The following C4orf50 variants were observed in gnomAD, a reference collection of about 807,000 sequenced individuals.
C4orf50 encodes the protein chromosome 4 open reading frame 50.
A neutral mutation model predicts 77.2 loss-of-function variants in C4orf50; 80 were observed. The ratio of observed to expected loss-of-function variants is 1.04; its 90% CI spans 0.87 to 1.25. The LOEUF (loss-of-function observed/expected upper bound fraction) is 1.25. Ranked by LOEUF, C4orf50 falls within the 50% of genes most tolerant of loss-of-function variation. The pLI, the probability that C4orf50 is intolerant of heterozygous loss-of-function variation, is 0.00. For synonymous variants in C4orf50, 532 were observed against 465.3 expected (o/e 1.14, Z -1.84); for missense variants, 1,257 against 1,152.9 (o/e 1.09, Z -1.31).
chr4:5,975,139 C>CAAAAAAAA (rs763836859), intron 30 of C4orf50, among the ~76,000 whole-genome samples: 42 of 82,826 alleles, frequency 5.1e-4, no homozygotes, highest in African/African-American at 7.3e-4. Context: ...CACTCCATCT[C>CAAAAAAAA]AAAAAAAAAA....
chr4:5,998,579 G>T (rs1346765140), intron 25 of C4orf50, among the ~76,000 whole-genome samples: 1 of 152,228 alleles, frequency 6.6e-6, no homozygotes, highest in Non-Finnish European at 1.5e-5. Flanking sequence ...AGCCCCTGAC[G>T]TGGGATCGTG....
chr4:6,015,901 C>T lies in C4orf50; in HGVS notation c.287+2244G>A, dbSNP rs1341297633. ...CTTGTGATTGGTCTTAGAGACCAGC[C>T]GGCGAATCTGGGTCCATATCCCCAT... is the stretch of plus-strand genomic sequence containing the variant. On this transcript the variant is annotated intron_variant, in intron 23 of 33. Coordinates refer to ENST00000531445, the Ensembl canonical transcript of C4orf50. The surrounding 1 kb of genome is among the most constrained non-coding windows in gnomAD (Gnocchi z 4.4). Among the ~76,000 whole-genome samples, 4 of 152,046 alleles carry T rather than the reference C, an allele frequency of 2.6e-5. No individual in the cohort carries two copies. Among genetic ancestry groups the T allele is most frequent in the African/African-American group, 7.2e-5 (3 of 41,412 alleles).
rs1721158391 is a variant in C4orf50, at chr4:5,989,927, G to A, written c.2119C>T (p.Gln707Ter). The A allele has an allele frequency of 7.0e-7, 1 of 1,426,274 alleles. No homozygotes were observed. The highest frequency in any genetic ancestry group is 9.1e-7 in the Non-Finnish European group (1 of 1,094,926). The allele number at this position is 1,426,274 out of a possible 1,614,324, so 88.4% of individuals were successfully genotyped here. Residue 707 changes from glutamine (Q) to a stop codon, truncating the protein, a stop_gained, in exon 28 of 34, where the codon CAA (glutamine) becomes TAA (stop). Coordinates refer to ENST00000531445, the Ensembl canonical transcript of C4orf50. LOFTEE classifies it high-confidence loss of function. ...AGCAGAGCATTTCCAAGCCACACTT[G>A]GTTTTCCTCCTTGCCCCTAGCTGTC...
At chr4:5,990,069 C>T in exon 28 of C4orf50, 3 of 1,341,530 alleles carry the variant, frequency 2.2e-6, no homozygotes, top group Non-Finnish European at 2.9e-6. Flanking sequence ...TCTCTGATGA[C>T]AGTCCTCCTC....
intron 7 of C4orf50, among the ~76,000 whole-genome samples, chr4:5,936,242 T>C (rs1422900209): frequency 2.7e-5 from 4 of 150,888 alleles, no homozygotes; most frequent in African/African-American, 9.7e-5. Flanking sequence ...ATTTATCTAA[T>C]GAAATTACCT....
At chr4:5,917,894 G>A (rs1431229043) in intron 7 of C4orf50, among the ~76,000 whole-genome samples, 1 of 152,016 alleles carries the variant, frequency 6.6e-6, no homozygotes, top group Non-Finnish European at 1.5e-5. Context: ...GGCCAAGCAG[G>A]GGCCCAGGCG....
At position 5,916,419 on chromosome 4, in the gene C4orf50, C is replaced by T. The variant is rs1039943355; in HGVS notation, c.*2475-18231G>A. Among the ~76,000 whole-genome samples the T allele has an allele frequency of 1.3e-5, 2 of 152,150 alleles. No individual in the cohort carries two copies. Among genetic ancestry groups the T allele is most frequent in the African/African-American group, 4.8e-5 (2 of 41,438 alleles). On this transcript the variant is annotated intron_variant, in intron 7 of 7. Coordinates refer to the C4orf50 transcript ENST00000324058. The surrounding 1 kb of genome is among the most constrained non-coding windows in gnomAD (Gnocchi z 4.4). ...AGAGAAGGCTGGGAGCCAGGACCTG[C>T]CCCCAGAGCTCAGACCCCAGGCACT...
In C4orf50 at chr4:6,015,950, A is replaced by G. The variant is rs1339349585; in HGVS notation, c.287+2195T>C. ...ATGTCACCATCCTTGACATGTCGAC[A>G]TAGTCCCAGCCTGCGTGAGTGTGCG... On this transcript the variant is annotated intron_variant, in intron 23 of 33. Coordinates refer to ENST00000531445, the Ensembl canonical transcript of C4orf50. This position sits in a 1 kb window ranked among gnomAD's most constrained non-coding sequence, Gnocchi z 4.4. Among the ~76,000 whole-genome samples the G allele has an allele frequency of 2.6e-5, 4 of 152,178 alleles. No homozygotes were observed. Among genetic ancestry groups the G allele is most frequent in the Admixed American group, 1.3e-4 (2 of 15,278 alleles).
intron 23 of C4orf50, among the ~76,000 whole-genome samples, chr4:6,016,959 C>T (rs1050675601): frequency 9.8e-5 from 15 of 152,302 alleles, no homozygotes; most frequent in South Asian, 6.2e-4. Context: ...AATCAATCCC[C>T]GCTGTCACTG....
chr4:6,004,189 T>G, intron 25 of C4orf50, among the ~76,000 whole-genome samples: 1 of 151,406 alleles, frequency 6.6e-6, no homozygotes, highest in African/African-American at 2.4e-5. Flanking sequence ...ATGGTGATGG[T>G]GATGATGGTG....
At chr4:5,914,036 A>G (rs1181203205) in intron 7 of C4orf50, among the ~76,000 whole-genome samples, 2 of 152,174 alleles carry the variant, frequency 1.3e-5, no homozygotes, top group African/African-American at 2.4e-5. Context: ...TGAGAAGTAA[A>G]GTTTATGAAG....
intron 28 of C4orf50, among the ~76,000 whole-genome samples, chr4:5,981,402 C>CTT (rs35263863): frequency 0.013 from 1,659 of 124,036 alleles, 40 homozygotes; most frequent in East Asian, 0.071. Context: ...AAGTGAGTAT[C>CTT]TTTTTTTTTT....
chr4:5,941,972 T>C (rs28563922), intron 7 of C4orf50, among the ~76,000 whole-genome samples: 2,051 of 152,312 alleles, frequency 0.013, 53 homozygotes, highest in African/African-American at 0.047. Flanking sequence ...GCGCCTCCAA[T>C]TATCAATGTT....
Position 6,008,236 on chromosome 4 carries a change from G to A in C4orf50, c.723C>T (p.Arg241=), listed in dbSNP as rs1722331910. 5.1e-6 allele frequency: 2 copies of A among 395,998 alleles called. No homozygotes were observed. Among genetic ancestry groups the A allele is most frequent in the East Asian group, 3.6e-5 (1 of 27,920 alleles). The allele number at this position is 395,998 out of a possible 1,614,324, so 24.5% of individuals were successfully genotyped here. The change falls in exon 25 of 34, where the codon CGC becomes CGT. Residue 241 remains arginine (R), a synonymous_variant. Transcript: ENST00000531445. This position sits in a 1 kb window ranked among gnomAD's most constrained non-coding sequence, Gnocchi z 6.0. ...TGCGCTCTGCCCTCGCCTGCAGGGC[G>A]CGCAGTTCCGCAGCCGCCTCGGTGG...
At chr4:5,950,536 G>A (rs1360813453) in intron 7 of C4orf50, among the ~76,000 whole-genome samples, 1 of 152,134 alleles carries the variant, frequency 6.6e-6, no homozygotes, top group Non-Finnish European at 1.5e-5. Flanking sequence ...AAATGGGGTT[G>A]AATCTGTTCT....
At chr4:5,959,175 A>G (rs1639243612) in exon 34 of C4orf50, 2 of 613,220 alleles carry the variant, frequency 3.3e-6, no homozygotes, top group South Asian at 4.2e-5. Flanking sequence ...CCAAAGCCAA[A>G]CTCCTCAGAA....
At chr4:5,936,465 T>C (rs1366356612) in intron 7 of C4orf50, among the ~76,000 whole-genome samples, 2 of 145,100 alleles carry the variant, frequency 1.4e-5, no homozygotes, top group Non-Finnish European at 1.5e-5. Flanking sequence ...AGGAGGCTGA[T>C]GCAGGAGAAT....
intron 7 of C4orf50, among the ~76,000 whole-genome samples, chr4:5,923,062 A>T (rs776028522): frequency 6.6e-6 from 1 of 152,182 alleles, no homozygotes; most frequent in Non-Finnish European, 1.5e-5. Context: ...AAGGAGGGAC[A>T]CAGAGTGAAC....
At chr4:5,962,121 C>T (rs186829098) in intron 33 of C4orf50, among the ~76,000 whole-genome samples, 6 of 152,340 alleles carry the variant, frequency 3.9e-5, no homozygotes, top group African/African-American at 1.4e-4. Context: ...GTGCCGTGTA[C>T]CTTCCAGAGA....
Sources: allele counts gnomAD v4.1 joint callset (sites outside exome capture counted in the v4.1 genomes callset), GRCh38; gene constraint gnomAD v4.1.1; non-coding constraint Gnocchi (gnomAD v3.1); transcripts MANE v1.5; gene names NCBI Gene and HGNC (gene_info 2026-07-23, HGNC 2026-07-21).